The following SEMA5B variants were observed in gnomAD, a reference collection of about 807,000 sequenced individuals.
SEMA5B encodes the protein semaphorin-5B.
A neutral mutation model predicts 135.0 loss-of-function variants in SEMA5B; 66 were observed. The ratio of observed to expected loss-of-function variants is 0.49; its 90% CI spans 0.40 to 0.60. The LOEUF is 0.60. Among genes scored for constraint, SEMA5B ranks in the 20% least tolerant of loss-of-function variants. The pLI, the probability that SEMA5B is intolerant of heterozygous loss-of-function variation, is 0.00. For synonymous variants in SEMA5B, 690 were observed against 639.5 expected (o/e 1.08, Z -1.19); for missense variants, 1,501 against 1,566.3 (o/e 0.96, Z 0.70).
At chr3:122,943,595 G>T in intron 3 of SEMA5B, 60 bp from the exon 4 acceptor site, 2 of 1,248,956 alleles carry the variant, frequency 1.6e-6, no homozygotes, top group Non-Finnish European at 2.3e-6. Flanking sequence ...CAGCTGCATC[G>T]CAGCAGACCA....
At chr3:122,993,244 G>A (rs1941931469) in intron 1 of SEMA5B, 1 of 152,344 alleles carries the variant, frequency 6.6e-6, no homozygotes, top group Non-Finnish European at 1.5e-5. Context: ...ACACTGCTGA[G>A]CCTCACTCCC....
chr3:122,994,728 G>T (rs1042913753), intron 1 of SEMA5B, among the ~76,000 whole-genome samples: 6 of 152,206 alleles, frequency 3.9e-5, no homozygotes, highest in African/African-American at 1.4e-4. Context: ...TGTATCAATT[G>T]TGTGACCTTG....
chr3:122,964,077 C>CATCA (rs1434788896), intron 1 of SEMA5B, among the ~76,000 whole-genome samples: 1 of 152,218 alleles, frequency 6.6e-6, no homozygotes, highest in Non-Finnish European at 1.5e-5. Context: ...GTCATCCAGG[C>CATCA]ATCACTACTG....
chr3:122,987,132 G>A (rs1941725970), intron 1 of SEMA5B, among the ~76,000 whole-genome samples: 1 of 152,174 alleles, frequency 6.6e-6, no homozygotes, highest in Non-Finnish European at 1.5e-5. Flanking sequence ...CAGATGGGCT[G>A]GGGTTTGAGG....
At chr3:122,930,112 T>G (rs897672454) in intron 5 of SEMA5B, among the ~76,000 whole-genome samples, 4 of 152,336 alleles carry the variant, frequency 2.6e-5, no homozygotes, top group South Asian at 2.1e-4. Flanking sequence ...TTTTAATTTC[T>G]AACAAGGCTG....
chr3:122,946,447 G>A (rs1246938468), intron 3 of SEMA5B, among the ~76,000 whole-genome samples: 2 of 152,128 alleles, frequency 1.3e-5, no homozygotes, highest in Non-Finnish European at 2.9e-5. Flanking sequence ...TGGTCAGAAA[G>A]GAAGTGTAAC....
chr3:123,009,529 G>T (rs978903828), intron 1 of SEMA5B, among the ~76,000 whole-genome samples: 1 of 147,284 alleles, frequency 6.8e-6, no homozygotes, highest in Admixed American at 6.7e-5. Flanking sequence ...GTGTGTATGT[G>T]TGTCTGTGTG....
chr3:122,966,009 C>G (rs781681165), intron 1 of SEMA5B, among the ~76,000 whole-genome samples: 3 of 152,138 alleles, frequency 2.0e-5, no homozygotes, highest in Non-Finnish European at 2.9e-5. Flanking sequence ...GGTGGCCCAG[C>G]GACAACCAGC....
intron 1 of SEMA5B, among the ~76,000 whole-genome samples, chr3:122,997,956 C>T (rs1037939917): frequency 2.0e-5 from 3 of 152,204 alleles, no homozygotes; most frequent in South Asian, 4.1e-4. Context: ...CACGCCCCCA[C>T]TTTAGGGCAT....
chr3:122,997,575 T>C (rs886700447), intron 1 of SEMA5B, among the ~76,000 whole-genome samples: 25 of 150,834 alleles, frequency 1.7e-4, no homozygotes, highest in South Asian at 2.2e-4. Flanking sequence ...AGAGGGGTAA[T>C]GGATTTCTTA....
intron 1 of SEMA5B, among the ~76,000 whole-genome samples, chr3:122,981,010 G>A (rs1039050317): frequency 4.6e-5 from 7 of 152,192 alleles, no homozygotes; most frequent in Admixed American, 3.3e-4. Flanking sequence ...TTTAAAGCAC[G>A]TCACCAGGTA....
At chr3:122,915,396 C>T (rs1486445340) in intron 14 of SEMA5B, 44 bp downstream of exon 14, 1 of 1,553,760 alleles carries the variant, frequency 6.4e-7, no homozygotes, top group South Asian at 1.2e-5. Flanking sequence ...GTTCTCCCCA[C>T]CCTGGTCCAA....
At chr3:122,964,561 GTC>G (rs1417929581) in intron 1 of SEMA5B, among the ~76,000 whole-genome samples, 1 of 152,182 alleles carries the variant, frequency 6.6e-6, no homozygotes, top group Non-Finnish European at 1.5e-5. Context: ...AACAAAACAT[GTC>G]TCTCTGTGAC....
intron 1 of SEMA5B, among the ~76,000 whole-genome samples, chr3:123,009,852 G>A (rs1029562385): frequency 1.3e-5 from 2 of 152,198 alleles, no homozygotes; most frequent in African/African-American, 4.8e-5. Context: ...CATTTACTGA[G>A]GCCTTGGTGC....
intron 1 of SEMA5B, among the ~76,000 whole-genome samples, chr3:123,010,636 C>T (rs192197076): frequency 2.0e-4 from 31 of 151,938 alleles, no homozygotes; most frequent in Middle Eastern, 6.8e-3. Context: ...TGGTGAAACC[C>T]CATCTCTACT....
At position 123,023,926 on chromosome 3, in the gene SEMA5B, A is replaced by T. The variant is rs149067530; in HGVS notation, c.-39+3538T>A. ...GGATGGTCTCTTTTACCCTGTACCC[A>T]GGCAGTGACAAAGCCAACACTTGAA... On this transcript the variant is annotated intron_variant, in intron 1 of 22. Coordinates refer to ENST00000357599, the MANE Select transcript of SEMA5B (RefSeq NM_001031702.4). 5.3e-5 allele frequency among the ~76,000 whole-genome samples: 8 copies of T among 152,342 alleles called. No individual in the cohort carries two copies. The East Asian group carries it at 1.5e-3, about 29-fold the overall frequency.
chr3:122,951,224 G>A (rs1398363860), intron 2 of SEMA5B, among the ~76,000 whole-genome samples: 1 of 152,178 alleles, frequency 6.6e-6, no homozygotes, highest in Non-Finnish European at 1.5e-5. Context: ...CAGCTTATTA[G>A]CATGGTAACT....
intron 9 of SEMA5B, 128 bp from the exon 10 acceptor site, chr3:122,923,880 T>TG: frequency 7.3e-6 from 5 of 689,066 alleles, no homozygotes; most frequent in East Asian, 2.8e-5. Context: ...GTCTGGCACA[T>TG]GGGGGGATCT....
At chr3:122,912,455 C>T (rs1937783557) in intron 18 of SEMA5B, 113 bp from the exon 19 acceptor site, 11 of 923,530 alleles carry the variant, frequency 1.2e-5, no homozygotes, top group Non-Finnish European at 1.7e-5. Flanking sequence ...ACCTCAACAT[C>T]CACCCGATCC....
Sources: allele counts gnomAD v4.1 joint callset (sites outside exome capture counted in the v4.1 genomes callset), GRCh38; gene constraint gnomAD v4.1.1; transcripts MANE v1.5; gene names NCBI Gene and HGNC (gene_info 2026-07-23, HGNC 2026-07-21).